The following NALF1 variants were observed in gnomAD, a reference collection of about 807,000 sequenced individuals.
The protein encoded by NALF1 is family with sequence similarity 155 member A.
Under a neutral mutation model 48.4 loss-of-function variants are expected in NALF1, and 3 were observed. The ratio of observed to expected loss-of-function variants is 0.06; its 90% CI spans 0.03 to 0.16. The LOEUF is 0.16. NALF1 is among the 10% of genes least tolerant of loss of function. The pLI is 1.00. For synonymous variants in NALF1, 262 were observed against 245.7 expected (o/e 1.07, Z -0.62); for missense variants, 526 against 571.5 (o/e 0.92, Z 0.81).
intron 1 of NALF1, among the ~76,000 whole-genome samples, chr13:107,862,383 C>T (rs902064549): frequency 2.6e-5 from 4 of 151,852 alleles, no homozygotes; most frequent in Non-Finnish European, 4.4e-5. Context: ...TTAATATTGT[C>T]GAACAACTTA....
intron 1 of NALF1, among the ~76,000 whole-genome samples, chr13:107,798,472 T>C (rs937858404): frequency 4.6e-5 from 7 of 152,202 alleles, no homozygotes; most frequent in Non-Finnish European, 8.8e-5. Flanking sequence ...GCACAATTAT[T>C]ATCAATCTCT....
At chr13:107,711,824 A>C (rs749694304) in intron 1 of NALF1, among the ~76,000 whole-genome samples, 1 of 152,224 alleles carries the variant, frequency 6.6e-6, no homozygotes, top group Non-Finnish European at 1.5e-5. Context: ...CTAAGAATGT[A>C]TGTTTTTTAC....
chr13:107,783,641 T>C (rs1877987681), intron 1 of NALF1, among the ~76,000 whole-genome samples: 1 of 151,970 alleles, frequency 6.6e-6, no homozygotes, highest in Non-Finnish European at 1.5e-5. Flanking sequence ...AAGATGTGCT[T>C]TGTTAAACAG....
intron 1 of NALF1, among the ~76,000 whole-genome samples, chr13:107,598,622 T>C (rs1566409070): frequency 6.6e-6 from 1 of 152,200 alleles, no homozygotes; most frequent in Non-Finnish European, 1.5e-5. Context: ...GAAATTCCAT[T>C]ATTCTAATTT....
At chr13:107,570,123 A>G (rs548784398) in intron 1 of NALF1, among the ~76,000 whole-genome samples, 1 of 152,210 alleles carries the variant, frequency 6.6e-6, no homozygotes, top group South Asian at 2.1e-4. Context: ...GGTGTTTTCT[A>G]TAATCATGTC....
At chr13:107,571,895 G>T (rs1877995932) in intron 1 of NALF1, among the ~76,000 whole-genome samples, 1 of 152,096 alleles carries the variant, frequency 6.6e-6, no homozygotes, top group Non-Finnish European at 1.5e-5. Flanking sequence ...TAGAAGAGTA[G>T]TTTTTTCTTT....
intron 1 of NALF1, among the ~76,000 whole-genome samples, chr13:107,760,907 G>C (rs191515015): frequency 2.2e-4 from 34 of 152,308 alleles, no homozygotes; most frequent in Admixed American, 2.0e-3. Flanking sequence ...CGAAAGAGAA[G>C]AAAGGAGCTA....
intron 1 of NALF1, among the ~76,000 whole-genome samples, chr13:107,849,965 G>A (rs752388726): frequency 1.3e-5 from 2 of 152,114 alleles, no homozygotes; most frequent in African/African-American, 4.8e-5. Flanking sequence ...AATACTTTTA[G>A]TAATTTATTA....
intron 1 of NALF1, among the ~76,000 whole-genome samples, chr13:107,735,087 C>T (rs1594235215): frequency 6.6e-6 from 1 of 151,996 alleles, no homozygotes; most frequent in South Asian, 2.1e-4. Context: ...CAGGAAGCCT[C>T]GTGGGCTGAG....
At chr13:107,809,193 C>T (rs1878908880) in intron 1 of NALF1, among the ~76,000 whole-genome samples, 1 of 151,738 alleles carries the variant, frequency 6.6e-6, no homozygotes, top group African/African-American at 2.4e-5. Flanking sequence ...AAACAGAACC[C>T]CAATCCTATG....
chr13:107,344,813 T>C (rs1386859041), intron 1 of NALF1, among the ~76,000 whole-genome samples: 4 of 152,156 alleles, frequency 2.6e-5, no homozygotes, highest in Admixed American at 2.6e-4. Context: ...AAAATGGCAT[T>C]GGAAGGCCTA....
chr13:107,311,764 T>C (rs958388990), intron 1 of NALF1, among the ~76,000 whole-genome samples: 1 of 152,094 alleles, frequency 6.6e-6, no homozygotes, highest in African/African-American at 2.4e-5. Context: ...TGGCGAAGGA[T>C]ATGAACAGAC....
chr13:107,513,005 T>C (rs917238038), intron 1 of NALF1, among the ~76,000 whole-genome samples: 6 of 152,128 alleles, frequency 3.9e-5, no homozygotes, highest in Non-Finnish European at 7.3e-5. Context: ...GGCCACCTAT[T>C]ACAATAGACA....
intron 1 of NALF1, among the ~76,000 whole-genome samples, chr13:107,274,432 G>A (rs1881237668): frequency 6.6e-6 from 1 of 152,046 alleles, no homozygotes. Flanking sequence ...TAAATTACTT[G>A]GGCATGGCAG....
intron 1 of NALF1, among the ~76,000 whole-genome samples, chr13:107,851,799 C>T (rs7337307): frequency 0.23 from 32,245 of 139,362 alleles, 3,961 homozygotes; most frequent in East Asian, 0.45. Context: ...GCTTTACAGG[C>T]CCTTTCTTTT....
intron 2 of NALF1, among the ~76,000 whole-genome samples, chr13:107,190,652 A>G (rs1879261416): frequency 1.3e-5 from 2 of 152,218 alleles, no homozygotes; most frequent in South Asian, 4.1e-4. Flanking sequence ...AAAATGTTAT[A>G]GAACAGATAA....
chr13:107,293,134 C>A (rs529539289), intron 1 of NALF1, among the ~76,000 whole-genome samples: 1 of 152,030 alleles, frequency 6.6e-6, no homozygotes, highest in Admixed American at 6.6e-5. Flanking sequence ...GCACCCACCA[C>A]CACACCTGGC....
intron 1 of NALF1, among the ~76,000 whole-genome samples, chr13:107,299,476 A>T (rs1488704268): frequency 5.2e-5 from 7 of 134,814 alleles, no homozygotes; most frequent in Admixed American, 7.9e-5. Flanking sequence ...AATAATAAAT[A>T]AATAAATAAA....
At chr13:107,359,466 C>T (rs1358682409) in intron 1 of NALF1, among the ~76,000 whole-genome samples, 2 of 151,966 alleles carry the variant, frequency 1.3e-5, no homozygotes, top group Non-Finnish European at 2.9e-5. Flanking sequence ...CTATAAAAGA[C>T]AAAAACTGAA....
Sources: gnomAD v4.1 joint callset for allele counts (sites outside exome capture counted in the v4.1 genomes callset) on GRCh38, gnomAD v4.1.1 for gene constraint, MANE v1.5 for transcripts, NCBI Gene and HGNC (gene_info 2026-07-23, HGNC 2026-07-21) for gene names.